WHRN: variants seen among roughly 807,000 people sequenced by gnomAD.
WHRN encodes whirlin.
A neutral mutation model predicts 68.3 loss-of-function variants in WHRN; 41 were observed. That is an observed-to-expected ratio of 0.60 (90% CI 0.47 to 0.78). The LOEUF (loss-of-function observed/expected upper bound fraction) is 0.78, where lower values mean the gene tolerates loss of function less well. WHRN is among the 30% of genes least tolerant of loss of function. WHRN has a pLI of 0.00. For missense variants in WHRN, 1,243 were observed against 1,244.7 expected (o/e 1.00, Z 0.02); for synonymous variants, 560 against 561.3 (o/e 1.00, Z 0.03).
Position 114,485,025 on chromosome 9 carries a change from CCTCAAGGT to C in WHRN, c.619-6262_619-6255del, listed in dbSNP as rs1842370997. Among the ~76,000 whole-genome samples the C allele has an allele frequency of 2.0e-5, 3 of 152,122 alleles. No homozygotes were observed. The South Asian group carries it at 6.2e-4, about 32-fold the overall frequency. Reference sequence around the variant, plus strand: ...ACACCAAAGGCAAGCATGGGGTGGACCTCAAGGTCACAAGACTATCAGATCACTGTGCT... The same window carrying C: ...ACACCAAAGGCAAGCATGGGGTGGACCACAAGACTATCAGATCACTGTGCT... On this transcript the variant is annotated intron_variant, in intron 1 of 11. Coordinates refer to ENST00000362057, the MANE Select transcript of WHRN (RefSeq NM_015404.4).
intron 3 of WHRN, among the ~76,000 whole-genome samples, chr9:114,439,054 A>C (rs913244276): frequency 2.7e-5 from 4 of 148,696 alleles, no homozygotes; most frequent in Admixed American, 6.8e-5. Flanking sequence ...TAGAAGAAAG[A>C]AAGCATATAG....
chr9:114,473,924 C>T (rs771042241), intron 2 of WHRN, among the ~76,000 whole-genome samples: 1 of 152,130 alleles, frequency 6.6e-6, no homozygotes, highest in African/African-American at 2.4e-5. Context: ...AGGGAAGGCG[C>T]CTGCCTCAGA....
chr9:114,404,014 T>C lies in WHRN; in HGVS notation c.2300A>G (p.Asp767Gly). 1 of 1,613,356 alleles carries C rather than the reference T, an allele frequency of 6.2e-7. No individual in the cohort carries two copies. Among genetic ancestry groups the C allele is most frequent in the African/African-American group, 1.3e-5 (1 of 75,064 alleles). Residue 767 changes from aspartate (D) to glycine (G), a missense_variant, in exon 10 of 12, where the codon GAT becomes GGT. Asp to Gly is a moderately conservative substitution (Grantham distance 94). Transcript: ENST00000362057. ...GGCGCTGGCCTCTGCCTCGCCAGCA[T>C]CCACACCACTGTCCTCGCTTAGAGT... Reference protein sequence around the residue: ...GQTLSEDSGVDAGEAEASAPG... With the variant: ...GQTLSEDSGVGAGEAEASAPG...
At chr9:114,457,020 CA>C (rs925859611) in intron 3 of WHRN, among the ~76,000 whole-genome samples, 1 of 151,484 alleles carries the variant, frequency 6.6e-6, no homozygotes, top group Non-Finnish European at 1.5e-5. Context: ...ACTCATTTAC[CA>C]AAAGAAAAAA....
chr9:114,482,383 G>GA (rs1456674212), intron 1 of WHRN, among the ~76,000 whole-genome samples: 1 of 152,246 alleles, frequency 6.6e-6, no homozygotes, highest in African/African-American at 2.4e-5. Context: ...ATCACACGTG[G>GA]ATTGTGGAGA....
chr9:114,415,183 C>T (rs964037680), intron 7 of WHRN, among the ~76,000 whole-genome samples: 2 of 151,936 alleles, frequency 1.3e-5, no homozygotes, highest in Admixed American at 6.5e-5. Context: ...CGCCTGTGGC[C>T]CCAGTTACTC....
intron 7 of WHRN, among the ~76,000 whole-genome samples, chr9:114,416,340 A>G (rs933130214): frequency 6.6e-5 from 10 of 152,310 alleles, no homozygotes; most frequent in South Asian, 2.1e-4. Flanking sequence ...TTTCTCTACA[A>G]TGCTCTGCAG....
Position 114,406,698 on chromosome 9 carries a change from C to T in WHRN, c.1893G>A (p.Ala631=), listed in dbSNP as rs147952299. 5.9e-5 allele frequency: 95 copies of T among 1,614,018 alleles called. No homozygotes were observed. Among genetic ancestry groups the T allele is most frequent in the East Asian group, 4.0e-4 (18 of 44,880 alleles). Residue 631 remains alanine (A), a synonymous_variant, in exon 9 of 12, where the codon GCG becomes GCA. Transcript: ENST00000362057. ...AGGTCCCTGGGGTGGGTGCGGTGCC[C>T]GCTGGCGGGCTGCGGTTCTGTGGAG... ...FSAPQNRSPP[A]GTAPTPGTSS...
intron 9 of WHRN, 82 bp downstream of exon 9, chr9:114,406,273 C>T: frequency 6.3e-7 from 1 of 1,590,824 alleles, no homozygotes. Context: ...CTGGTCCCCC[C>T]CTTCACTGTG....
chr9:114,447,215 C>G (rs986863789), intron 3 of WHRN, among the ~76,000 whole-genome samples: 3 of 152,182 alleles, frequency 2.0e-5, no homozygotes, highest in African/African-American at 7.2e-5. Context: ...ACCAGCCCCC[C>G]TCACCTGGAC....
chr9:114,454,417 T>C (rs888652405), intron 3 of WHRN, among the ~76,000 whole-genome samples: 1 of 152,108 alleles, frequency 6.6e-6, no homozygotes, highest in African/African-American at 2.4e-5. Flanking sequence ...AGCCAACATA[T>C]AAAAATCAAT....
intron 1 of WHRN, among the ~76,000 whole-genome samples, chr9:114,493,817 T>G (rs1843211967): frequency 6.6e-6 from 1 of 152,228 alleles, no homozygotes. Context: ...ACAGGGAAGC[T>G]GCAGCCTAGG....
chr9:114,491,136 T>A (rs76307534), intron 1 of WHRN, among the ~76,000 whole-genome samples: 2,332 of 152,320 alleles, frequency 0.015, 35 homozygotes, highest in Admixed American at 0.046. Flanking sequence ...ATCAGGAATA[T>A]CTGTTTATAT....
intron 10 of WHRN, 60 bp downstream of exon 10, chr9:114,403,836 A>G: frequency 6.3e-7 from 1 of 1,598,304 alleles, no homozygotes; most frequent in Non-Finnish European, 8.5e-7. Context: ...GGGACCTCCC[A>G]TTCTGTGCCT....
chr9:114,418,872 C>T (rs1419170837), intron 7 of WHRN, among the ~76,000 whole-genome samples: 1 of 152,200 alleles, frequency 6.6e-6, no homozygotes, highest in African/African-American at 2.4e-5. Context: ...TTTCAGTTAT[C>T]TATATCCTGT....
At chr9:114,489,596 C>G (rs527936072) in intron 1 of WHRN, among the ~76,000 whole-genome samples, 5 of 152,282 alleles carry the variant, frequency 3.3e-5, no homozygotes, top group African/African-American at 9.6e-5. Context: ...CAGGTTAACT[C>G]ACTCCATTAC....
At chr9:114,477,458 A>C (rs531831128) in intron 2 of WHRN, among the ~76,000 whole-genome samples, 1 of 152,308 alleles carries the variant, frequency 6.6e-6, no homozygotes, top group East Asian at 1.9e-4. Flanking sequence ...TTCAAGAAAC[A>C]GTACAGGTCT....
intron 1 of WHRN, chr9:114,503,205 A>G: frequency 1.0e-6 from 1 of 985,544 alleles, no homozygotes; most frequent in Non-Finnish European, 1.2e-6. Flanking sequence ...GCTGGAGTTC[A>G]AAACACCTGC....
chr9:114,426,927 T>TA (rs1384141064), intron 3 of WHRN, among the ~76,000 whole-genome samples: 1 of 152,218 alleles, frequency 6.6e-6, no homozygotes. Context: ...AAGCAGTACA[T>TA]ATGGCTTAGA....
Sources: gnomAD v4.1 joint callset for allele counts (sites outside exome capture counted in the v4.1 genomes callset) on GRCh38, gnomAD v4.1.1 for gene constraint, MANE v1.5 for transcripts, NCBI Gene and HGNC (gene_info 2026-07-23, HGNC 2026-07-21) for gene names.